Variants in CC2D1B observed in about 807,000 individuals in gnomAD.
CC2D1B encodes coiled-coil and C2 domain containing 1B, also known as coiled-coil and C2 domain-containing protein 1B.
Under a neutral mutation model 110.8 loss-of-function variants are expected in CC2D1B, and 92 were observed. The ratio of observed to expected loss-of-function variants is 0.83; its 90% CI spans 0.70 to 0.99. CC2D1B has a LOEUF of 0.99. Ranked by LOEUF, CC2D1B falls within the 50% of genes least tolerant of loss-of-function variation. The pLI, the probability that CC2D1B is intolerant of heterozygous loss-of-function variation, is 0.00. For missense variants in CC2D1B, 1,136 were observed against 1,089.0 expected, an observed-to-expected ratio of 1.04 and a Z score of -0.61; for synonymous variants, 406 against 429.2, an observed-to-expected ratio of 0.95 and a Z score of 0.67.
chr1:52,351,161 TCTCCAAGTCTGGTGG>T lies in CC2D1B; in HGVS notation c.*2049_*2063del, dbSNP rs1295553894. The T allele has an allele frequency of 6.6e-6, 1 of 152,172 alleles. No homozygotes were observed. Among genetic ancestry groups the T allele is most frequent in the African/African-American group, 2.4e-5 (1 of 41,434 alleles). The allele number at this position is 152,172 out of a possible 1,614,324, so 9.4% of individuals were successfully genotyped here. On this transcript the variant is annotated 3_prime_UTR_variant, in exon 25 of 25. Coordinates refer to ENST00000284376, the MANE Select transcript of CC2D1B (RefSeq NM_001330585.2). The stretch of plus-strand genomic sequence containing the variant: ...AACAAAGGCCTTTTAAGAACTTCAA[TCTCCAAGTCTGGTGG>T]GAGGCTTTGTCTTGCCTCGTCAGCC...
chr1:52,364,122 A>G (rs1646838624), intron 2 of CC2D1B, among the ~76,000 whole-genome samples: 2 of 152,216 alleles, frequency 1.3e-5, no homozygotes, highest in Non-Finnish European at 2.9e-5. Context: ...AAGACAGTAA[A>G]AATGGACTAA....
At position 52,359,911 on chromosome 1, in the gene CC2D1B, A is replaced by G. The variant is rs768282214; in HGVS notation, c.764-28T>C. On this transcript the variant is annotated intron_variant, in intron 7 of 24. Coordinates refer to ENST00000284376, the MANE Select transcript of CC2D1B (RefSeq NM_001330585.2). Reference sequence around the variant, plus strand: ...ATAAGGAAACAAACAGTCCCCAGAGAGCACATGAGGGTCACAGAAGAAGGT... The same window carrying G: ...ATAAGGAAACAAACAGTCCCCAGAGGGCACATGAGGGTCACAGAAGAAGGT... The G allele has an allele frequency of 8.7e-6, 14 of 1,600,002 alleles. No homozygotes were observed. In the African/African-American group the frequency reaches 1.9e-4, roughly 21 times the overall value.
rs1646572015 is a variant in CC2D1B at position 52,353,520 on chromosome 1, C to T, written c.2558G>A (p.Ter853=). ...TGAAGGCCCAGAGAGCTGCCCACCT[C>T]ACAAGCCCCTGGGCTCCAGAACCAG... The part of the protein sequence containing the change: ...NWLVLEPRGL[*] The change falls in exon 24 of 25, where the codon TGA becomes TAA. Residue 853 remains the stop codon, a splice_region_variant and stop_retained_variant. Coordinates refer to ENST00000284376, the MANE Select transcript of CC2D1B (RefSeq NM_001330585.2). The T allele has an allele frequency of 6.2e-7, 1 of 1,611,052 alleles. No homozygotes were observed. The highest frequency in any genetic ancestry group is 1.3e-5 in the African/African-American group (1 of 74,694).
rs752554283 is a variant in CC2D1B, at chr1:52,359,451, A to G, written c.1018+8T>C. 13 of 1,613,920 alleles carry G rather than the reference A, an allele frequency of 8.1e-6. No individual in the cohort carries two copies. Among genetic ancestry groups the G allele is most frequent in the African/African-American group, 1.3e-5 (1 of 74,920 alleles). ...ACCCCACCGCAGCCTGAGAAGATAC[A>G]TACTGACCCTCAGGTGCCGGGGGCA... is the stretch of plus-strand genomic sequence containing the variant. On this transcript the variant is annotated splice_region_variant and intron_variant, in intron 9 of 24. Transcript: ENST00000284376.
rs999286403 is a variant in CC2D1B, at chr1:52,350,778, C to T, written c.*2447G>A. On this transcript the variant is annotated 3_prime_UTR_variant, in exon 25 of 25. Coordinates refer to ENST00000284376, the MANE Select transcript of CC2D1B (RefSeq NM_001330585.2). ...GTGTTTGTTTTGAGACAGAGTCTTGCTCTGTCGCCCAGGCTGGAGTGCAGT... is the reference window on the plus strand; with the variant it reads ...GTGTTTGTTTTGAGACAGAGTCTTGTTCTGTCGCCCAGGCTGGAGTGCAGT... 6.6e-6 allele frequency: 1 copy of T among 152,260 alleles called. No homozygotes were observed. Among genetic ancestry groups the T allele is most frequent in the Non-Finnish European group, 1.5e-5 (1 of 68,092 alleles). The allele number at this position is 152,260 out of a possible 1,614,324, so 9.4% of individuals were successfully genotyped here.
Position 52,356,395 on chromosome 1 carries a change from A to G in CC2D1B, c.1926T>C (p.Ala642=). ...GCCCTTGCACTTACCGGGTGGTCTC[A>G]GCCACGTTGCCCTGGTGCATGAACT... ...SKQFMHQGNV[A]ETTRFEKLAQ... Residue 642 remains alanine, a synonymous_variant, in exon 17 of 25, where the codon GCT becomes GCC. Coordinates refer to ENST00000284376, the MANE Select transcript of CC2D1B (RefSeq NM_001330585.2). 6.2e-7 allele frequency: 1 copy of G among 1,614,230 alleles called. No individual in the cohort carries two copies. The highest frequency in any genetic ancestry group is 1.1e-5 in the South Asian group (1 of 91,090).
rs779898436 is a variant in CC2D1B, at chr1:52,361,530, C to T, written c.301G>A (p.Glu101Lys). 1 of 1,614,038 alleles carries T rather than the reference C, an allele frequency of 6.2e-7. No individual in the cohort carries two copies. Residue 101 changes from glutamate to lysine, a missense_variant, in exon 4 of 25, where the codon GAA becomes AAA. Physicochemically the swap from Glu to Lys is moderately conservative, Grantham distance 56. Coordinates refer to ENST00000284376, the MANE Select transcript of CC2D1B (RefSeq NM_001330585.2). ...AGACACACCAGCAGCTCTGCATCTTCCTCCAGCCCTTCCTCCTCCTCCTCC... is the reference window on the plus strand; with the variant it reads ...AGACACACCAGCAGCTCTGCATCTTTCTCCAGCCCTTCCTCCTCCTCCTCC... ...EEEEEEEGLE[E>K]DAELLTELQE... is the part of the protein sequence containing the mutation.
intron 18 of CC2D1B, 145 bp from the exon 19 acceptor site, chr1:52,355,989 G>A: frequency 2.1e-6 from 2 of 947,804 alleles, no homozygotes; most frequent in Admixed American, 1.8e-5. Context: ...TCTGACTTCT[G>A]GTCCAGAGCT....
chr1:52,353,480 A>AG lies in CC2D1B; in HGVS notation c.*1+37dup, dbSNP rs771221573. On this transcript the variant is annotated intron_variant, in intron 24 of 24. Coordinates refer to ENST00000284376, the MANE Select transcript of CC2D1B (RefSeq NM_001330585.2). ...GTTGAGTAGTTAGTTGAGTAAAAGG[A>AG]GGGGGCAAAGGTTCTGAAGGCCCAG... The AG allele has an allele frequency of 1.9e-6, 3 of 1,575,184 alleles. No homozygotes were observed. The African/African-American group carries it at 4.1e-5, about 22-fold the overall frequency.
At chr1:52,357,484 C>A in intron 15 of CC2D1B, 42 bp downstream of exon 15, 1 of 1,538,346 alleles carries the variant, frequency 6.5e-7, no homozygotes, top group Non-Finnish European at 8.8e-7. Flanking sequence ...CAGCCGCCAC[C>A]TCCGCCTGAG....
In CC2D1B at chr1:52,354,663, G is replaced by A. The variant is rs536513021; in HGVS notation, c.2375C>T (p.Ala792Val). The A allele has an allele frequency of 3.1e-6, 5 of 1,614,228 alleles. No homozygotes were observed. In the African/African-American group the frequency reaches 6.7e-5, roughly 22 times the overall value. Reference sequence around the variant, plus strand: ...CTCCAGCCGCTCCAGTTTCAGGTGTGCTGTGCCAACCAGCTTGTCGCTTCT... The same window carrying A: ...CTCCAGCCGCTCCAGTTTCAGGTGTACTGTGCCAACCAGCTTGTCGCTTCT... ...FFRSDKLVGTAHLKLERLENE... is the reference protein window; with the variant it reads ...FFRSDKLVGTVHLKLERLENE... Residue 792 changes from alanine to valine, a missense_variant, in exon 23 of 25, where the codon GCA (alanine) becomes GTA (valine). Transcript: ENST00000284376.
intron 3 of CC2D1B, among the ~76,000 whole-genome samples, chr1:52,361,890 CCAA>C (rs1246793319): frequency 1.3e-5 from 2 of 152,234 alleles, no homozygotes; most frequent in Admixed American, 6.5e-5. Flanking sequence ...TCTCCAACCT[CCAA>C]CAACACCTTT....
In CC2D1B at chr1:52,353,904, C is replaced by T. The variant is rs142628405; in HGVS notation, c.2431-257G>A. On this transcript the variant is annotated intron_variant, in intron 23 of 24. Transcript: ENST00000284376. Reference sequence around the variant, plus strand: ...AGCTCTGTTCATTTTCTCCTCAATCCCCACGGCAACTTCTGGAAGAAACAT... The same window carrying T: ...AGCTCTGTTCATTTTCTCCTCAATCTCCACGGCAACTTCTGGAAGAAACAT... 4.0e-4 allele frequency: 146 copies of T among 367,588 alleles called. 1 individual carries two copies. Among genetic ancestry groups the T allele is most frequent in the Middle Eastern group, 2.3e-3 (3 of 1,326 alleles). The allele number at this position is 367,588 out of a possible 1,614,324, so 22.8% of individuals were successfully genotyped here.
intron 23 of CC2D1B, chr1:52,353,983 A>G (rs936500353): frequency 1.1e-5 from 3 of 284,920 alleles, no homozygotes; most frequent in African/African-American, 2.2e-5. Flanking sequence ...ACAGATGGCC[A>G]AGAGAGAGAA....
Position 52,360,472 on chromosome 1 carries a change from C to G in CC2D1B, c.555G>C (p.Lys185Asn). 4 of 1,614,072 alleles carry G rather than the reference C, an allele frequency of 2.5e-6. No homozygotes were observed. Among genetic ancestry groups the G allele is most frequent in the South Asian group, 1.1e-5 (1 of 91,072 alleles). The change falls in exon 6 of 25, where the codon AAG (lysine) becomes AAC (asparagine). Residue 185 changes from lysine (K) to asparagine (N), a missense_variant. By Grantham distance (94) the Lys-to-Asn change is moderately conservative. Transcript: ENST00000284376. Reference sequence around the variant, plus strand: ...TGGCTTTGGCTGCTTCGCCTGCCTCCTTGGCACTGGCCGCAGCCTCTCGGT... The same window carrying G: ...TGGCTTTGGCTGCTTCGCCTGCCTCGTTGGCACTGGCCGCAGCCTCTCGGT... Reference protein sequence around the residue: ...HNYREAAASAKEAGEAAKARR... With the variant: ...HNYREAAASANEAGEAAKARR...
chr1:52,363,325 A>G (rs961418222), intron 2 of CC2D1B, among the ~76,000 whole-genome samples: 5 of 149,270 alleles, frequency 3.3e-5, no homozygotes, highest in South Asian at 4.4e-4. Flanking sequence ...AACCCGGGAG[A>G]TGGAGCTTGC....
chr1:52,363,337 G>A (rs1468668292), intron 2 of CC2D1B, among the ~76,000 whole-genome samples: 1 of 150,750 alleles, frequency 6.6e-6, no homozygotes, highest in Non-Finnish European at 1.5e-5. Context: ...GGAGCTTGCA[G>A]TGAGCCAAGA....
chr1:52,354,878 G>A lies in CC2D1B; in HGVS notation c.2301C>T (p.Ile767=). 2.5e-6 allele frequency: 4 copies of A among 1,614,192 alleles called. No homozygotes were observed. Among genetic ancestry groups the A allele is most frequent in the Non-Finnish European group, 3.4e-6 (4 of 1,180,026 alleles). ...TCTCAAACTTGATGCCTTTGCTCTG[G>A]ATCACCCTCTTGAAGCCCCGGTGGT... ...NRNHRGFKRV[I]QSKGIKFEIF... is the part of the protein sequence containing the mutation. The change falls in exon 22 of 25, where the codon ATC becomes ATT. Residue 767 remains isoleucine (I), a synonymous_variant. Transcript: ENST00000284376.
At chr1:52,355,079 C>T (rs1025827206) in intron 21 of CC2D1B, 140 bp from the exon 22 acceptor site, 3 of 703,598 alleles carry the variant, frequency 4.3e-6, no homozygotes, top group African/African-American at 1.8e-5. Flanking sequence ...GGTGGTAGAG[C>T]ATCGCGGTCC....
Sources: gnomAD v4.1 joint callset for allele counts (sites outside exome capture counted in the v4.1 genomes callset) on GRCh38, gnomAD v4.1.1 for gene constraint, MANE v1.5 for transcripts, NCBI Gene and HGNC (gene_info 2026-07-23, HGNC 2026-07-21) for gene names.